OR56A3: variants seen among roughly 807,000 people sequenced by gnomAD.
OR56A3 encodes olfactory receptor 56A3.
A neutral mutation model predicts 17.5 loss-of-function variants in OR56A3; 23 were observed. The ratio of observed to expected loss-of-function variants is 1.32; its 90% CI spans 0.95 to 1.87. The LOEUF (loss-of-function observed/expected upper bound fraction) is 1.87, where lower values mean the gene tolerates loss of function less well. Among genes scored for constraint, OR56A3 ranks in the 40% most tolerant of loss-of-function variants. OR56A3 has a pLI of 0.00. For synonymous variants in OR56A3, 175 were observed against 150.6 expected, an observed-to-expected ratio of 1.16 and a Z score of -1.19; for missense variants, 366 against 380.1, an observed-to-expected ratio of 0.96 and a Z score of 0.31.
the OR56A3 span, among the ~76,000 whole-genome samples, chr11:6,005,907 C>T: frequency 2.6e-5 from 4 of 152,208 alleles, no homozygotes; most frequent in South Asian, 4.1e-4. Context: ...ATGAATTTTC[C>T]GAGGACACAA....
the OR56A3 span, among the ~76,000 whole-genome samples, chr11:5,977,362 T>A: frequency 5.3e-5 from 8 of 152,316 alleles, no homozygotes; most frequent in African/African-American, 1.7e-4. Flanking sequence ...TGCTCTGGTA[T>A]CTTGCCACTA....
chr11:5,982,263 G>A, the OR56A3 span, among the ~76,000 whole-genome samples: 1 of 152,198 alleles, frequency 6.6e-6, no homozygotes, highest in Non-Finnish European at 1.5e-5. Flanking sequence ...GTGTGCATTG[G>A]CAGTGGAAGG....
the OR56A3 span, among the ~76,000 whole-genome samples, chr11:5,972,670 C>G: frequency 6.6e-6 from 1 of 152,212 alleles, no homozygotes; most frequent in African/African-American, 2.4e-5. Flanking sequence ...CCCATGAGAG[C>G]CAGGCTGGAG....
the OR56A3 span, chr11:5,986,553 G>A: frequency 1.2e-6 from 2 of 1,613,832 alleles, no homozygotes; most frequent in Admixed American, 1.7e-5. Flanking sequence ...ACTCCATGGA[G>A]GAGAATGCAT....
chr11:5,993,328 A>G, the OR56A3 span, among the ~76,000 whole-genome samples: 1 of 152,186 alleles, frequency 6.6e-6, no homozygotes, highest in Non-Finnish European at 1.5e-5. Flanking sequence ...TCCTATGAGA[A>G]TGGATGAGAA....
the OR56A3 span, among the ~76,000 whole-genome samples, chr11:6,018,607 T>C: frequency 6.6e-6 from 1 of 151,958 alleles, no homozygotes; most frequent in Admixed American, 6.6e-5. Flanking sequence ...AAAGATTTCA[T>C]GTAAACAACC....
the OR56A3 span, among the ~76,000 whole-genome samples, chr11:5,983,802 C>G: frequency 6.6e-6 from 1 of 152,136 alleles, no homozygotes; most frequent in Non-Finnish European, 1.5e-5. Context: ...TATTGTGTTT[C>G]AAAAGTACAA....
chr11:5,955,318 A>T (rs993166701), downstream of OR56A3, among the ~76,000 whole-genome samples: 3 of 152,096 alleles, frequency 2.0e-5, no homozygotes, highest in African/African-American at 7.2e-5. Flanking sequence ...AACTTCCAAC[A>T]CTCTAAAGGA....
At chr11:6,005,546 C>T in the OR56A3 span, among the ~76,000 whole-genome samples, 3 of 152,092 alleles carry the variant, frequency 2.0e-5, no homozygotes, top group Admixed American at 6.5e-5. Flanking sequence ...TGAAAAGGAA[C>T]GTGATATGCA....
the OR56A3 span, among the ~76,000 whole-genome samples, chr11:6,010,377 C>T: frequency 1.3e-5 from 2 of 152,144 alleles, no homozygotes; most frequent in East Asian, 3.8e-4. Flanking sequence ...TCAATCCCTA[C>T]CTAATACAAA....
chr11:6,014,951 A>G, the OR56A3 span, among the ~76,000 whole-genome samples: 1 of 146,504 alleles, frequency 6.8e-6, no homozygotes, highest in South Asian at 2.3e-4. Context: ...TCTAAGCAAC[A>G]AAGCATTCAA....
chr11:5,967,652 G>C, the OR56A3 span: 6 of 1,613,884 alleles, frequency 3.7e-6, no homozygotes, highest in East Asian at 2.2e-5. Flanking sequence ...GGTGGTGCAG[G>C]ATGTTGAGCA....
At chr11:5,994,775 A>C in the OR56A3 span, 1 of 759,320 alleles carries the variant, frequency 1.3e-6, no homozygotes. Context: ...AAAGGTCTTG[A>C]AGTAATGTCC....
the OR56A3 span, among the ~76,000 whole-genome samples, chr11:5,970,140 A>G: frequency 2.0e-5 from 3 of 152,246 alleles, no homozygotes; most frequent in African/African-American, 7.2e-5. Flanking sequence ...ATAAAATGTT[A>G]GAGAAAGCAA....
At chr11:6,017,461 G>A in the OR56A3 span, among the ~76,000 whole-genome samples, 1 of 152,186 alleles carries the variant, frequency 6.6e-6, no homozygotes, top group East Asian at 1.9e-4. Context: ...GTCAGATTAA[G>A]GGTAGATTTC....
In OR56A3 at chr11:5,947,748, G is replaced by A; in HGVS notation, c.402G>A (p.Leu134=). 6.2e-7 allele frequency: 1 copy of A among 1,614,146 alleles called. No homozygotes were observed. Among genetic ancestry groups the A allele is most frequent in the South Asian group, 1.1e-5 (1 of 91,072 alleles). The change falls in exon 3 of 3, where the codon CTG becomes CTA. Residue 134 remains leucine (L), a synonymous_variant. Transcript: ENST00000641160. ...GTTATGTAGCCATCTGCCACCCACT[G>A]AGATATCCATCAATCATCACTGATC... The part of the protein sequence containing the change: ...YDRYVAICHP[L]RYPSIITDHF...
chr11:6,003,637 A>G, the OR56A3 span, among the ~76,000 whole-genome samples: 1 of 152,198 alleles, frequency 6.6e-6, no homozygotes, highest in Non-Finnish European at 1.5e-5. Context: ...TACCTAGAAA[A>G]AACTCAGGGA....
the OR56A3 span, among the ~76,000 whole-genome samples, chr11:5,957,991 T>C: frequency 0.25 from 38,120 of 151,988 alleles, 4,817 homozygotes; most frequent in Non-Finnish European, 0.27. Context: ...TTTGTGTGTT[T>C]CAAGAGAAAT....
chr11:6,011,162 C>T, the OR56A3 span, among the ~76,000 whole-genome samples: 1 of 149,430 alleles, frequency 6.7e-6, no homozygotes, highest in Admixed American at 6.8e-5. Context: ...TAGCAAATTA[C>T]TTTCTTGCAA....
Sources: allele counts gnomAD v4.1 joint callset (sites outside exome capture counted in the v4.1 genomes callset), GRCh38; gene constraint gnomAD v4.1.1; transcripts MANE v1.5; gene names NCBI Gene and HGNC (gene_info 2026-07-23, HGNC 2026-07-21).